Variants in OSBPL6 observed in about 807,000 individuals in gnomAD.
The protein encoded by OSBPL6 is oxysterol-binding protein-related protein 6.
OSBPL6 carries 49 observed loss-of-function variants against 125.8 expected under a neutral mutation model. The ratio of observed to expected loss-of-function variants is 0.39; its 90% confidence interval spans 0.31 to 0.49. The LOEUF (loss-of-function observed/expected upper bound fraction) is 0.49. Among genes scored for constraint, OSBPL6 ranks in the 20% least tolerant of loss-of-function variants. The pLI, the probability that OSBPL6 is intolerant of heterozygous loss-of-function variation, is 0.88. For missense variants in OSBPL6, 986 were observed against 1,135.4 expected (o/e 0.87, Z 1.89); for synonymous variants, 394 against 391.8 (o/e 1.01, Z -0.07).
At chr2:178,231,672 G>T (rs370719371) in intron 1 of OSBPL6, among the ~76,000 whole-genome samples, 1 of 127,242 alleles carries the variant, frequency 7.9e-6, no homozygotes, top group African/African-American at 3.2e-5. Context: ...TTTGAGACAG[G>T]GTCTTGCTCT....
At chr2:178,379,372 A>G (rs1694243654) in intron 15 of OSBPL6, among the ~76,000 whole-genome samples, 1 of 141,106 alleles carries the variant, frequency 7.1e-6, no homozygotes, top group Non-Finnish European at 1.5e-5. Context: ...AAGGAAAGGG[A>G]GGGAGGAAAA....
At chr2:178,388,651 G>A (rs1345293551) in intron 20 of OSBPL6, among the ~76,000 whole-genome samples, 5 of 152,190 alleles carry the variant, frequency 3.3e-5, no homozygotes, top group Admixed American at 6.5e-5. Flanking sequence ...CTCATCCCAC[G>A]TTCCAGGTAG....
chr2:178,337,365 T>C (rs1193106255), intron 9 of OSBPL6, among the ~76,000 whole-genome samples: 2 of 152,208 alleles, frequency 1.3e-5, no homozygotes, highest in African/African-American at 4.8e-5. Context: ...CAAAAGAATT[T>C]TTTCTTACTC....
At chr2:178,234,425 G>C (rs1361985314) in intron 1 of OSBPL6, among the ~76,000 whole-genome samples, 1 of 152,044 alleles carries the variant, frequency 6.6e-6, no homozygotes, top group East Asian at 1.9e-4. Flanking sequence ...CAGAGAGAGA[G>C]AGTCATTTTT....
At chr2:178,303,338 G>A (rs1686461420) in intron 2 of OSBPL6, among the ~76,000 whole-genome samples, 2 of 152,112 alleles carry the variant, frequency 1.3e-5, no homozygotes, top group Non-Finnish European at 2.9e-5. Context: ...TGGATTACAA[G>A]TTCTATTCAC....
At chr2:178,329,211 A>G (rs1408047149) in intron 5 of OSBPL6, among the ~76,000 whole-genome samples, 1 of 152,158 alleles carries the variant, frequency 6.6e-6, no homozygotes, top group East Asian at 1.9e-4. Context: ...CACTGATCCC[A>G]GAAGTTTGTT....
intron 11 of OSBPL6, among the ~76,000 whole-genome samples, chr2:178,345,608 G>C (rs1574928831): frequency 6.6e-6 from 1 of 152,176 alleles, no homozygotes; most frequent in Non-Finnish European, 1.5e-5. Context: ...CACTGATGTG[G>C]TAACAGATTC....
At chr2:178,379,332 AAGGGAGGGAGGG>A (rs146298293) in intron 15 of OSBPL6, among the ~76,000 whole-genome samples, 13 of 125,954 alleles carry the variant, frequency 1.0e-4, no homozygotes, top group African/African-American at 3.3e-4. Flanking sequence ...GAAGGAAAGG[AAGGGAGGGAGGG>A]AGGGAGGGAG....
At chr2:178,355,885 C>T (rs1691736355) in intron 12 of OSBPL6, among the ~76,000 whole-genome samples, 1 of 152,210 alleles carries the variant, frequency 6.6e-6, no homozygotes, top group Non-Finnish European at 1.5e-5. Context: ...AAAGCTTATC[C>T]ACCACGATCA....
intron 2 of OSBPL6, among the ~76,000 whole-genome samples, chr2:178,300,178 T>C (rs377399716): frequency 5.4e-4 from 83 of 152,324 alleles, no homozygotes; most frequent in African/African-American, 1.9e-3. Flanking sequence ...GAAAAGGAGT[T>C]GGCTTTTCTT....
chr2:178,386,267 G>A (rs184318896), intron 19 of OSBPL6, among the ~76,000 whole-genome samples: 1 of 152,270 alleles, frequency 6.6e-6, no homozygotes, highest in Admixed American at 6.5e-5. Context: ...CAGGCATCTT[G>A]TGGAGATGGC....
chr2:178,382,864 T>G, intron 16 of OSBPL6, 160 bp from the exon 17 acceptor site: 1 of 1,393,884 alleles, frequency 7.2e-7, no homozygotes, highest in Non-Finnish European at 9.5e-7. Flanking sequence ...CTGCATTTAT[T>G]AGCAACCTTG....
intron 1 of OSBPL6, among the ~76,000 whole-genome samples, chr2:178,248,093 A>G (rs909224803): frequency 6.6e-6 from 1 of 152,196 alleles, no homozygotes; most frequent in African/African-American, 2.4e-5. Flanking sequence ...TATTCTCCCT[A>G]CTTGTAGATA....
chr2:178,368,494 A>T (rs909797508), intron 13 of OSBPL6, among the ~76,000 whole-genome samples: 10 of 152,214 alleles, frequency 6.6e-5, no homozygotes, highest in Admixed American at 3.3e-4. Context: ...AAATCATAGC[A>T]GGAGAGATGA....
intron 1 of OSBPL6, among the ~76,000 whole-genome samples, chr2:178,274,117 C>G (rs181437329): frequency 6.6e-6 from 1 of 152,160 alleles, no homozygotes; most frequent in Admixed American, 6.5e-5. Context: ...TTTAGTGTAC[C>G]TATAGTGTGC....
intron 1 of OSBPL6, among the ~76,000 whole-genome samples, chr2:178,216,612 G>A (rs1344981675): frequency 2.6e-5 from 4 of 152,210 alleles, no homozygotes; most frequent in Non-Finnish European, 5.9e-5. Flanking sequence ...GGTTGATTAA[G>A]GCAGGAATTG....
At chr2:178,201,679 G>A (rs993720449) in intron 1 of OSBPL6, among the ~76,000 whole-genome samples, 1 of 152,186 alleles carries the variant, frequency 6.6e-6, no homozygotes, top group Non-Finnish European at 1.5e-5. Flanking sequence ...TGAGGTGTCC[G>A]AGCCAGTGCC....
intron 1 of OSBPL6, among the ~76,000 whole-genome samples, chr2:178,208,872 A>G (rs1350315989): frequency 8.0e-6 from 1 of 124,876 alleles, no homozygotes; most frequent in Non-Finnish European, 1.7e-5. Context: ...AATTTTTGAG[A>G]TCTTAAATGT....
chr2:178,394,554 G>A, intron 24 of OSBPL6, 119 bp downstream of exon 24: 1 of 1,308,594 alleles, frequency 7.6e-7, no homozygotes, highest in Non-Finnish European at 1.0e-6. Context: ...TTTGCTTTTG[G>A]CAGTGAAAAT....
Sources: allele counts gnomAD v4.1 joint callset (sites outside exome capture counted in the v4.1 genomes callset), GRCh38; gene constraint gnomAD v4.1.1; transcripts MANE v1.5; gene names NCBI Gene and HGNC (gene_info 2026-07-23, HGNC 2026-07-21).